The following SLC22A15 variants were observed in gnomAD, a reference collection of about 807,000 sequenced individuals.
SLC22A15 encodes flipt 1.
Under a neutral mutation model 62.7 loss-of-function variants are expected in SLC22A15, and 45 were observed. The observed-to-expected ratio is 0.72, with a 90% CI of 0.56 to 0.92. SLC22A15 has a LOEUF of 0.92. Ranked by LOEUF, SLC22A15 falls within the 40% of genes least tolerant of loss-of-function variation. SLC22A15 has a pLI of 0.00. For missense variants in SLC22A15, 622 were observed against 665.6 expected, an observed-to-expected ratio of 0.93 and a Z score of 0.72; for synonymous variants, 264 against 267.0, an observed-to-expected ratio of 0.99 and a Z score of 0.11.
intron 8 of SLC22A15, 97 bp downstream of exon 8, chr1:116,037,485 C>T: frequency 1.1e-6 from 1 of 888,494 alleles, no homozygotes; most frequent in African/African-American, 1.7e-5. Flanking sequence ...TGCTTCATTT[C>T]TGTGATTGCA....
In SLC22A15 at chr1:116,045,738, C is replaced by CAAAAA. The variant is rs34360597; in HGVS notation, c.1171+8365_1171+8369dup. ...TGGGCTACAGAGTGAGACTCCATCT[C>CAAAAA]AAAAAAAAAAAAAAAAAAAGACTTA... On this transcript the variant is annotated intron_variant, in intron 8 of 11. Coordinates refer to ENST00000369503, the MANE Select transcript of SLC22A15 (RefSeq NM_018420.3). 8.9e-5 allele frequency among the ~76,000 whole-genome samples: 9 copies of CAAAAA among 101,590 alleles called. 1 individual carries two copies. The highest frequency in any genetic ancestry group is 6.0e-4 in the East Asian group (2 of 3,324). The allele number at this position is 101,590 out of a possible 152,430, so 66.6% of individuals were successfully genotyped here. A position where few individuals can be genotyped will look rare whatever the true frequency, so the allele number is the denominator to read the frequency against.
At chr1:116,022,516 T>G (rs1334535048) in intron 4 of SLC22A15, among the ~76,000 whole-genome samples, 2 of 152,186 alleles carry the variant, frequency 1.3e-5, no homozygotes, top group Non-Finnish European at 2.9e-5. Flanking sequence ...TTATATTTGA[T>G]TTTAGTCGTT....
chr1:115,978,312 G>C (rs1654420640), intron 1 of SLC22A15, among the ~76,000 whole-genome samples: 1 of 152,130 alleles, frequency 6.6e-6, no homozygotes, highest in South Asian at 2.1e-4. Flanking sequence ...AAAAAGGCCA[G>C]TGTTCTCGGT....
In SLC22A15 at chr1:116,068,834, C is replaced by G. The variant is rs1005371677; in HGVS notation, c.*1726C>G. On this transcript the variant is annotated 3_prime_UTR_variant, in exon 12 of 12. Coordinates refer to ENST00000369503, the MANE Select transcript of SLC22A15 (RefSeq NM_018420.3). ...AAGAGAGGAAGAACTTACAAAGACA[C>G]TTAAAAGTTATTCTTAAATGGTGGT... 1 of 152,126 alleles carries G rather than the reference C, an allele frequency of 6.6e-6. No homozygotes were observed. The highest frequency in any genetic ancestry group is 1.5e-5 in the Non-Finnish European group (1 of 68,026). 9.4% of individuals were successfully genotyped at this position (152,126 alleles called of 1,614,324 possible).
intron 6 of SLC22A15, 100 bp downstream of exon 6, chr1:116,031,681 T>C: frequency 6.5e-7 from 1 of 1,528,774 alleles, no homozygotes. Context: ...ATTTTACCTC[T>C]TTTGTTAGCT....
intron 8 of SLC22A15, among the ~76,000 whole-genome samples, chr1:116,061,222 T>C (rs966711186): frequency 2.0e-5 from 3 of 151,954 alleles, no homozygotes; most frequent in Non-Finnish European, 1.5e-5. Flanking sequence ...ACAGGCAAGA[T>C]GGAAAAGTAA....
intron 8 of SLC22A15, among the ~76,000 whole-genome samples, chr1:116,048,820 G>C (rs990365067): frequency 6.6e-6 from 1 of 152,106 alleles, no homozygotes; most frequent in African/African-American, 2.4e-5. Flanking sequence ...AAATGGATAA[G>C]AACTCACCAA....
chr1:115,988,936 C>T (rs1421471835), intron 1 of SLC22A15, among the ~76,000 whole-genome samples: 2 of 152,182 alleles, frequency 1.3e-5, no homozygotes, highest in African/African-American at 4.8e-5. Flanking sequence ...ATCATTACTG[C>T]TTGCCTCTTC....
intron 2 of SLC22A15, among the ~76,000 whole-genome samples, chr1:115,998,298 A>G (rs1253364130): frequency 3.3e-5 from 5 of 152,164 alleles, no homozygotes; most frequent in Middle Eastern, 6.8e-3. Flanking sequence ...CTGGCCTCGA[A>G]GGATCATTTT....
intron 6 of SLC22A15, 168 bp downstream of exon 6, chr1:116,031,749 C>G (rs1047695167): frequency 4.9e-6 from 7 of 1,434,800 alleles, no homozygotes; most frequent in Non-Finnish European, 6.4e-6. Context: ...TTTCTGCTTG[C>G]GCAGCCCCGT....
At chr1:116,054,357 A>G (rs566655179) in intron 8 of SLC22A15, among the ~76,000 whole-genome samples, 3 of 151,932 alleles carry the variant, frequency 2.0e-5, no homozygotes, top group Non-Finnish European at 2.9e-5. Flanking sequence ...AGAGCTAACT[A>G]TCCTAAATAT....
At chr1:116,026,751 T>C (rs1374052624) in intron 4 of SLC22A15, 142 bp from the exon 5 acceptor site, 2 of 878,506 alleles carry the variant, frequency 2.3e-6, no homozygotes, top group Admixed American at 2.6e-5. Flanking sequence ...GTAGATTTTT[T>C]TTTCTTTTCT....
At chr1:116,044,507 T>G (rs1211738066) in intron 8 of SLC22A15, among the ~76,000 whole-genome samples, 1 of 152,234 alleles carries the variant, frequency 6.6e-6, no homozygotes, top group Non-Finnish European at 1.5e-5. Flanking sequence ...TCTTACCATT[T>G]CTATGGAACA....
At chr1:116,044,746 C>T (rs137877877) in intron 8 of SLC22A15, among the ~76,000 whole-genome samples, 120 of 151,824 alleles carry the variant, frequency 7.9e-4, no homozygotes, top group African/African-American at 2.8e-3. Flanking sequence ...ACAGTTAAAA[C>T]TGAAATAAAC....
At chr1:116,023,587 T>A (rs1173672378) in intron 4 of SLC22A15, among the ~76,000 whole-genome samples, 1 of 152,152 alleles carries the variant, frequency 6.6e-6, no homozygotes, top group Non-Finnish European at 1.5e-5. Flanking sequence ...TTTTTTTAGA[T>A]AAAAAGGTGG....
chr1:115,997,116 T>G (rs1484243966), intron 2 of SLC22A15, among the ~76,000 whole-genome samples: 1 of 152,182 alleles, frequency 6.6e-6, no homozygotes. Context: ...TTATAGATAC[T>G]CTTTATCAAA....
At chr1:116,006,292 G>A (rs112710816) in intron 2 of SLC22A15, among the ~76,000 whole-genome samples, 8 of 151,970 alleles carry the variant, frequency 5.3e-5, no homozygotes, top group African/African-American at 1.7e-4. Flanking sequence ...GAGGCACCCT[G>A]GTCCCCACTG....
At chr1:115,988,541 G>C (rs967613909) in intron 1 of SLC22A15, among the ~76,000 whole-genome samples, 1 of 151,882 alleles carries the variant, frequency 6.6e-6, no homozygotes, top group Non-Finnish European at 1.5e-5. Flanking sequence ...CTATTTTTTG[G>C]GGGGGGACTC....
intron 2 of SLC22A15, among the ~76,000 whole-genome samples, chr1:116,005,099 T>C (rs1655913231): frequency 6.6e-6 from 1 of 152,242 alleles, no homozygotes; most frequent in African/African-American, 2.4e-5. Context: ...GATTTGTCAA[T>C]ATTACTGATC....
Sources: gnomAD v4.1 joint callset for allele counts (sites outside exome capture counted in the v4.1 genomes callset) on GRCh38, gnomAD v4.1.1 for gene constraint, MANE v1.5 for transcripts, NCBI Gene and HGNC (gene_info 2026-07-23, HGNC 2026-07-21) for gene names.